Variants in EXTL3 observed in about 807,000 individuals in gnomAD.
EXTL3 encodes exostosin like glycosyltransferase 3.
Under a neutral mutation model 69.3 loss-of-function variants are expected in EXTL3, and 27 were observed. That is an observed-to-expected ratio of 0.39 (90% CI 0.29 to 0.54). The LOEUF is 0.54. EXTL3 is among the 20% of genes least tolerant of loss of function. EXTL3 has a pLI of 0.69. For synonymous variants in EXTL3, 511 were observed against 499.4 expected, an observed-to-expected ratio of 1.02 and a Z score of -0.31; for missense variants, 1,003 against 1,231.8, an observed-to-expected ratio of 0.81 and a Z score of 2.78.
upstream of EXTL3, among the ~76,000 whole-genome samples, chr8:28,622,153 A>G (rs1381040298): frequency 6.6e-6 from 1 of 152,174 alleles, no homozygotes; most frequent in Non-Finnish European, 1.5e-5. Flanking sequence ...CCTTGACGTC[A>G]TTTCGTTTGA....
chr8:28,690,576 A>C (rs1425793374), intron 1 of EXTL3, among the ~76,000 whole-genome samples: 2 of 152,056 alleles, frequency 1.3e-5, no homozygotes, highest in Non-Finnish European at 2.9e-5. Context: ...TATTTCATCA[A>C]GCTGGGTGGT....
chr8:28,642,682 A>G (rs1369823336), intron 1 of EXTL3, among the ~76,000 whole-genome samples: 1 of 152,114 alleles, frequency 6.6e-6, no homozygotes, highest in Non-Finnish European at 1.5e-5. Flanking sequence ...ATGAAACTCC[A>G]ATGAATTGAC....
upstream of EXTL3, chr8:28,622,619 G>T (rs1221583756): frequency 6.6e-6 from 1 of 150,386 alleles, no homozygotes; most frequent in African/African-American, 2.4e-5. Context: ...GGGGTATTCG[G>T]GGGGCGGAGC....
At chr8:28,710,231 A>G in intron 1 of EXTL3, 1 of 325,924 alleles carries the variant, frequency 3.1e-6, no homozygotes, top group Non-Finnish European at 6.0e-6. Flanking sequence ...AAAAAGGATT[A>G]TCAGGAGGGA....
At position 28,701,659 on chromosome 8, in the gene EXTL3, G is replaced by A. The variant is rs1038325319; in HGVS notation, c.-570G>A. ...GCGGCGGGTCCCTGAGCTGGAAGCC[G>A]GTAGGACTGCTGGCCGCGCGTGAGC... is the stretch of plus-strand genomic sequence containing the variant. On this transcript the variant is annotated splice_region_variant and 5_prime_UTR_variant, in exon 1 of 7. Transcript: ENST00000220562. 42 of 158,970 alleles carry A rather than the reference G, an allele frequency of 2.6e-4. 1 individual carries two copies. The highest frequency in any genetic ancestry group is 4.9e-4 in the Non-Finnish European group (36 of 73,136). The allele number at this position is 158,970 out of a possible 1,614,324, so 9.8% of individuals were successfully genotyped here.
At chr8:28,722,634 C>T (rs1046959824) in intron 3 of EXTL3, among the ~76,000 whole-genome samples, 4 of 151,764 alleles carry the variant, frequency 2.6e-5, no homozygotes, top group African/African-American at 9.7e-5. Context: ...AAAAATTAGC[C>T]AGGCATCATG....
chr8:28,720,784 C>T (rs1390918354), intron 3 of EXTL3, among the ~76,000 whole-genome samples: 2 of 152,174 alleles, frequency 1.3e-5, no homozygotes, highest in Non-Finnish European at 2.9e-5. Context: ...TGAGTGTCTG[C>T]TCTCTCCCTT....
At chr8:28,744,250 G>A (rs571766972) in intron 6 of EXTL3, among the ~76,000 whole-genome samples, 1 of 152,276 alleles carries the variant, frequency 6.6e-6, no homozygotes, top group South Asian at 2.1e-4. Flanking sequence ...TATACCTGAT[G>A]TCCTTAGAAG....
chr8:28,744,355 C>G (rs1263445132), intron 6 of EXTL3, among the ~76,000 whole-genome samples: 2 of 152,110 alleles, frequency 1.3e-5, no homozygotes, highest in Non-Finnish European at 2.9e-5. Context: ...GTGACATTGC[C>G]ATGAGTAAAT....
At chr8:28,622,482 G>A (rs998892007), upstream of EXTL3, among the ~76,000 whole-genome samples, 8 of 152,108 alleles carry the variant, frequency 5.3e-5, no homozygotes, top group Admixed American at 3.3e-4. Flanking sequence ...CAGCTGCGGG[G>A]CCGCGAGAAG....
intron 6 of EXTL3, among the ~76,000 whole-genome samples, chr8:28,749,448 A>G (rs970400169): frequency 6.6e-6 from 1 of 152,108 alleles, no homozygotes; most frequent in African/African-American, 2.4e-5. Context: ...ATTTAAAGAC[A>G]CTTCTTCCCC....
At chr8:28,627,201 T>A (rs56333828) in intron 1 of EXTL3, among the ~76,000 whole-genome samples, 3,925 of 145,462 alleles carry the variant, frequency 0.027, 174 homozygotes, top group African/African-American at 0.094. Context: ...AAAAAAAAAT[T>A]AAAAAAAATA....
upstream of EXTL3, among the ~76,000 whole-genome samples, chr8:28,621,466 C>T (rs1394794708): frequency 6.6e-6 from 1 of 152,206 alleles, no homozygotes; most frequent in Admixed American, 6.5e-5. Context: ...TGAGACAGCA[C>T]ACGTCTGCTG....
intron 1 of EXTL3, among the ~76,000 whole-genome samples, chr8:28,670,358 C>T (rs763054940): frequency 3.9e-5 from 6 of 152,110 alleles, no homozygotes; most frequent in Non-Finnish European, 8.8e-5. Flanking sequence ...GCCAGAGAAA[C>T]AGATCCAACA....
intron 3 of EXTL3, among the ~76,000 whole-genome samples, chr8:28,729,243 C>T (rs529634084): frequency 1.6e-4 from 22 of 138,088 alleles, no homozygotes; most frequent in Non-Finnish European, 2.6e-4. Context: ...TGTAGTGAGC[C>T]GAGATCACAC....
chr8:28,690,752 G>A (rs1800602924), intron 1 of EXTL3, among the ~76,000 whole-genome samples: 1 of 152,178 alleles, frequency 6.6e-6, no homozygotes, highest in Non-Finnish European at 1.5e-5. Flanking sequence ...CTCCCAGAGT[G>A]ATCTAAGAAG....
At chr8:28,702,831 A>G (rs945915894) in intron 1 of EXTL3, among the ~76,000 whole-genome samples, 3 of 152,114 alleles carry the variant, frequency 2.0e-5, no homozygotes, top group African/African-American at 7.2e-5. Context: ...TTTTGTTTTT[A>G]AAGGCTTTGT....
chr8:28,642,991 C>T (rs985427254), intron 1 of EXTL3, among the ~76,000 whole-genome samples: 1 of 152,064 alleles, frequency 6.6e-6, no homozygotes. Context: ...CGCCTGTAAT[C>T]CCAGCACTTT....
intron 1 of EXTL3, among the ~76,000 whole-genome samples, chr8:28,703,177 A>T (rs1280198810): frequency 2.0e-5 from 3 of 152,224 alleles, no homozygotes; most frequent in Non-Finnish European, 4.4e-5. Flanking sequence ...GCTTTCTGGA[A>T]GAGTCAGAAT....
Sources: gnomAD v4.1 joint callset for allele counts (sites outside exome capture counted in the v4.1 genomes callset) on GRCh38, gnomAD v4.1.1 for gene constraint, MANE v1.5 for transcripts, NCBI Gene and HGNC (gene_info 2026-07-23, HGNC 2026-07-21) for gene names.